Variants in OSBP2 observed in about 807,000 individuals in gnomAD.
OSBP2 encodes the protein oxysterol-binding protein 2.
Under a neutral mutation model 96.0 loss-of-function variants are expected in OSBP2, and 66 were observed. The observed-to-expected ratio is 0.69, with a 90% CI of 0.56 to 0.84. OSBP2 has a LOEUF of 0.84. Among genes scored for constraint, OSBP2 ranks in the 40% least tolerant of loss-of-function variants. The pLI, the probability that OSBP2 is intolerant of heterozygous loss-of-function variation, is 0.00. For missense variants in OSBP2, 1,038 were observed against 1,222.7 expected, an observed-to-expected ratio of 0.85 and a Z score of 2.25; for synonymous variants, 525 against 520.9, an observed-to-expected ratio of 1.01 and a Z score of -0.11.
chr22:30,806,555 A>AT lies in OSBP2; in HGVS notation c.854-63873dup, dbSNP rs1338068142. 2.6e-5 allele frequency among the ~76,000 whole-genome samples: 4 copies of AT among 152,310 alleles called. No individual in the cohort carries two copies. The East Asian group carries it at 7.7e-4, about 29-fold the overall frequency. On this transcript the variant is annotated intron_variant, in intron 2 of 13. Coordinates refer to ENST00000332585, the MANE Select transcript of OSBP2 (RefSeq NM_030758.4). Reference sequence around the variant, plus strand: ...TGGAAATCAACTAGGCCAACCTCTCATAATATGAATGAAGAGCTTGAGGCC... The same window carrying AT: ...TGGAAATCAACTAGGCCAACCTCTCATTAATATGAATGAAGAGCTTGAGGCC...
chr22:30,779,269 T>C (rs1023674426), intron 2 of OSBP2, among the ~76,000 whole-genome samples: 15 of 118,234 alleles, frequency 1.3e-4, no homozygotes, highest in South Asian at 7.7e-4. Flanking sequence ...TTTTTTTTTT[T>C]CTGGTATTTT....
At chr22:30,825,464 C>T (rs1358132121) in intron 2 of OSBP2, among the ~76,000 whole-genome samples, 1 of 152,194 alleles carries the variant, frequency 6.6e-6, no homozygotes, top group Non-Finnish European at 1.5e-5. Context: ...TCTGTGCCTA[C>T]CAGTCTGTCA....
Position 30,888,268 on chromosome 22 carries a change from A to T in OSBP2, c.1346A>T (p.Asp449Val). Reference protein sequence around the residue: ...PKGEDSEEDEDTEYFDAMEDS... With the variant: ...PKGEDSEEDEVTEYFDAMEDS... ...GGAGAGGACAGTGAGGAAGATGAAG[A>T]TACCGAGTACTTTGATGCCATGGAA... Residue 449 changes from aspartate to valine, a missense_variant, in exon 5 of 14, where the codon GAT (aspartate) becomes GTT (valine). Transcript: ENST00000332585. The T allele has an allele frequency of 6.2e-7, 1 of 1,613,798 alleles. No individual in the cohort carries two copies. The highest frequency in any genetic ancestry group is 8.5e-7 in the Non-Finnish European group (1 of 1,179,718).
chr22:30,812,952 G>T (rs2091029535), intron 2 of OSBP2, among the ~76,000 whole-genome samples: 1 of 151,948 alleles, frequency 6.6e-6, no homozygotes, highest in African/African-American at 2.4e-5. Flanking sequence ...GGATATTTGT[G>T]GATTTAATTG....
At chr22:30,730,770 CTCTCTATA>C (rs1569100436) in intron 1 of OSBP2, among the ~76,000 whole-genome samples, 9 of 26,932 alleles carry the variant, frequency 3.3e-4, no homozygotes, top group African/African-American at 5.6e-4. Flanking sequence ...CTCTCTCTCT[CTCTCTATA>C]TATATATATA....
At chr22:30,889,759 C>T in intron 7 of OSBP2, 123 bp downstream of exon 7, 3 of 847,860 alleles carry the variant, frequency 3.5e-6, no homozygotes, top group Non-Finnish European at 5.7e-6. Context: ...TTAACGGCAC[C>T]TGAGGAGCAT....
In OSBP2 at chr22:30,905,818, G is replaced by GCCACCA. The variant is rs1016059493; in HGVS notation, c.2376-13_2376-8dup. The GCCACCA allele has an allele frequency of 1.1e-5, 17 of 1,610,188 alleles. No individual in the cohort carries two copies. The highest frequency in any genetic ancestry group is 1.4e-5 in the Non-Finnish European group (17 of 1,178,924). Reference sequence around the variant, plus strand: ...GGCTCACACCGCAGCCACCGCCACCGCCACCACCACCGCCACAGGGAGAAC... The same window carrying GCCACCA: ...GGCTCACACCGCAGCCACCGCCACCGCCACCACCACCACCACCGCCACAGGGAGAAC... On this transcript the variant is annotated intron_variant, in intron 12 of 13. Transcript: ENST00000332585.
intron 3 of OSBP2, among the ~76,000 whole-genome samples, chr22:30,876,722 C>G (rs111302779): frequency 2.0e-5 from 3 of 152,300 alleles, no homozygotes; most frequent in African/African-American, 7.2e-5. Flanking sequence ...GATGAGTGTT[C>G]CATGCATTGC....
intron 2 of OSBP2, among the ~76,000 whole-genome samples, chr22:30,859,876 G>A (rs966626698): frequency 6.6e-6 from 1 of 152,206 alleles, no homozygotes; most frequent in Non-Finnish European, 1.5e-5. Flanking sequence ...GGTTACCCAG[G>A]AGGCAGCACG....
rs372206917 is a variant in OSBP2 at position 30,893,258 on chromosome 22, G to A, written c.1990+16G>A. ...ATGCCGCTAGGTGAGCTGGGGCCCG[G>A]TGCCTTCCTGGGACACAGAGACATT... On this transcript the variant is annotated intron_variant, in intron 9 of 13. Coordinates refer to ENST00000332585, the MANE Select transcript of OSBP2 (RefSeq NM_030758.4). 1 of 1,614,008 alleles carries A rather than the reference G, an allele frequency of 6.2e-7. No individual in the cohort carries two copies. The highest frequency in any genetic ancestry group is 1.1e-5 in the South Asian group (1 of 91,082).
intron 2 of OSBP2, among the ~76,000 whole-genome samples, chr22:30,754,600 C>T (rs1314730135): frequency 1.3e-5 from 2 of 152,188 alleles, no homozygotes; most frequent in East Asian, 3.9e-4. Context: ...ACACCCCACC[C>T]TGCTCTGTAG....
chr22:30,822,826 G>T (rs531655216), intron 2 of OSBP2: 1 of 865,730 alleles, frequency 1.2e-6, no homozygotes, highest in Non-Finnish European at 1.6e-6. Context: ...ACTCCCTCGC[G>T]GCGTGGGGAG....
chr22:30,870,320 A>T lies in OSBP2; in HGVS notation c.854-109A>T. On this transcript the variant is annotated intron_variant, in intron 2 of 13. Coordinates refer to ENST00000332585, the MANE Select transcript of OSBP2 (RefSeq NM_030758.4). This position sits in a 1 kb window ranked among gnomAD's most constrained non-coding sequence, Gnocchi z 4.1. ...GGAACGGGCACCATCTCGGGGACTG[A>T]TGTTTTTTGAATGGCGCTATCCACC... is the stretch of plus-strand genomic sequence containing the variant. 8.8e-7 allele frequency: 1 copy of T among 1,132,348 alleles called. No individual in the cohort carries two copies. The allele number at this position is 1,132,348 out of a possible 1,614,324, so 70.1% of individuals were successfully genotyped here. A position where few individuals can be genotyped will look rare whatever the true frequency, so the allele number is the denominator to read the frequency against.
At chr22:30,733,262 A>T (rs1221094840) in intron 1 of OSBP2, among the ~76,000 whole-genome samples, 1 of 152,168 alleles carries the variant, frequency 6.6e-6, no homozygotes, top group Non-Finnish European at 1.5e-5. Context: ...CAAGGGGAGG[A>T]TGCAAAGTAA....
intron 2 of OSBP2, among the ~76,000 whole-genome samples, chr22:30,816,122 A>G (rs2091080764): frequency 6.6e-6 from 1 of 152,172 alleles, no homozygotes; most frequent in South Asian, 2.1e-4. Flanking sequence ...ATAATTAAAT[A>G]ATTAAAAAAA....
intron 1 of OSBP2, among the ~76,000 whole-genome samples, chr22:30,709,870 T>G (rs887246970): frequency 9.2e-5 from 14 of 151,454 alleles, no homozygotes; most frequent in African/African-American, 3.1e-4. Flanking sequence ...TCATCCTCAT[T>G]TATTGGCAGG....
At chr22:30,714,411 T>G (rs1239313381) in intron 1 of OSBP2, among the ~76,000 whole-genome samples, 1 of 132,768 alleles carries the variant, frequency 7.5e-6, no homozygotes, top group Non-Finnish European at 1.5e-5. Context: ...TTTTCTTGTG[T>G]TTTTTTTTTG....
At chr22:30,894,284 G>A in intron 12 of OSBP2, 1 of 371,526 alleles carries the variant, frequency 2.7e-6, no homozygotes, top group Non-Finnish European at 4.9e-6. Flanking sequence ...ATAACCACAG[G>A]AAATAGAAAA....
intron 1 of OSBP2, among the ~76,000 whole-genome samples, chr22:30,724,988 A>G (rs1427871423): frequency 6.9e-6 from 1 of 144,300 alleles, no homozygotes; most frequent in African/African-American, 2.6e-5. Context: ...CCTGGCTAAC[A>G]TGGTGAAACT....
Sources: allele counts gnomAD v4.1 joint callset (sites outside exome capture counted in the v4.1 genomes callset), GRCh38; gene constraint gnomAD v4.1.1; non-coding constraint Gnocchi (gnomAD v3.1); transcripts MANE v1.5; gene names NCBI Gene and HGNC (gene_info 2026-07-23, HGNC 2026-07-21).